Variants in SART1 observed in about 807,000 individuals in gnomAD.
SART1 encodes the protein U4/U6.U5 tri-snRNP-associated protein 1.
SART1 carries 28 observed loss-of-function variants against 105.0 expected under a neutral mutation model. The observed-to-expected ratio is 0.27, with a 90% CI of 0.20 to 0.37. SART1 has a LOEUF of 0.37. Ranked by LOEUF, SART1 falls within the 10% of genes least tolerant of loss-of-function variation. SART1 has a pLI of 1.00. For synonymous variants in SART1, 472 were observed against 462.9 expected, an observed-to-expected ratio of 1.02 and a Z score of -0.25; for missense variants, 894 against 1,106.5, an observed-to-expected ratio of 0.81 and a Z score of 2.72.
At chr11:65,973,277 C>CAT (rs1198457973) in intron 12 of SART1, among the ~76,000 whole-genome samples, 1 of 151,842 alleles carries the variant, frequency 6.6e-6, no homozygotes, top group Non-Finnish European at 1.5e-5. Flanking sequence ...GATATTTGCC[C>CAT]ATATATACCA....
intron 12 of SART1, among the ~76,000 whole-genome samples, chr11:65,973,418 G>A (rs79370352): frequency 5.1e-4 from 78 of 152,226 alleles, no homozygotes; most frequent in African/African-American, 1.8e-3. Flanking sequence ...GAAAATACCC[G>A]GTGAATCCAG....
chr11:65,974,570 T>G (rs912344365), intron 12 of SART1, among the ~76,000 whole-genome samples: 26 of 151,726 alleles, frequency 1.7e-4, no homozygotes, highest in African/African-American at 6.3e-4. Flanking sequence ...TCCCAGCTAC[T>G]TAGGAGGCTG....
chr11:65,971,929 G>A (rs1375223346), intron 12 of SART1, among the ~76,000 whole-genome samples: 1 of 151,930 alleles, frequency 6.6e-6, no homozygotes, highest in African/African-American at 2.4e-5. Flanking sequence ...GAATTGAGGG[G>A]TTGTTTTGTT....
chr11:65,964,928 G>T (rs766916524), intron 3 of SART1, 164 bp from the exon 4 acceptor site: 6 of 895,336 alleles, frequency 6.7e-6, no homozygotes, highest in Non-Finnish European at 9.6e-6. Flanking sequence ...GCATGGGTTG[G>T]CCAGGAGTGT....
Position 65,965,373 on chromosome 11 carries a change from T to G in SART1, c.586T>G (p.Trp196Gly), listed in dbSNP as rs1855227932. 1 of 1,587,796 alleles carries G rather than the reference T, an allele frequency of 6.3e-7. No individual in the cohort carries two copies. Among genetic ancestry groups the G allele is most frequent in the Non-Finnish European group, 8.6e-7 (1 of 1,167,250 alleles). ...AAAGACCCTAGGAGAGGATGACCCC[T>G]GGCTGGACGACACTGCAGCCTGGAT... ...KIKTLGEDDP[W>G]LDDTAAWIER... Residue 196 changes from tryptophan to glycine, a missense_variant, in exon 5 of 20, where the codon TGG (tryptophan) becomes GGG (glycine). Around this residue, in one of 2 missense-constraint regions of SART1, gnomAD observed 712 missense variants for 778.2 expected, o/e 0.91. Transcript: ENST00000312397.
intron 12 of SART1, among the ~76,000 whole-genome samples, chr11:65,973,200 T>C (rs939045529): frequency 6.6e-5 from 10 of 151,730 alleles, no homozygotes; most frequent in Non-Finnish European, 1.3e-4. Flanking sequence ...AGAACGTAAG[T>C]TTTTTGTTTT....
In SART1 at chr11:65,978,346, G is replaced by A; in HGVS notation, c.2173-254G>A. 1.8e-6 allele frequency: 1 copy of A among 548,528 alleles called. No individual in the cohort carries two copies. Among genetic ancestry groups the A allele is most frequent in the East Asian group, 3.2e-5 (1 of 31,524 alleles). The allele number at this position is 548,528 out of a possible 1,614,324, so 34.0% of individuals were successfully genotyped here. A position where few individuals can be genotyped will look rare whatever the true frequency, so the allele number is the denominator to read the frequency against. On this transcript the variant is annotated intron_variant, in intron 17 of 19. Coordinates refer to ENST00000312397, the MANE Select transcript of SART1 (RefSeq NM_005146.5). The surrounding 1 kb of genome is among the most constrained non-coding windows in gnomAD (Gnocchi z 6.8). ...GCCCCAGCGTCCAGGCCCAGCCCCT[G>A]CGTGGCAGGTCTCCAGGTTCCCCAT...
Position 65,978,155 on chromosome 11 carries a change from C to T in SART1, c.2172+256C>T, listed in dbSNP as rs1460137849. The T allele has an allele frequency of 5.4e-6, 3 of 553,152 alleles. No homozygotes were observed. The highest frequency in any genetic ancestry group is 2.0e-5 in the South Asian group (1 of 48,966). 34.3% of individuals were successfully genotyped at this position (553,152 alleles called of 1,614,324 possible). A position where few individuals can be genotyped will look rare whatever the true frequency, so the allele number is the denominator to read the frequency against. ...TCAGACAGGCACTCGGGACCTCTGC[C>T]CTCCTGTCCTCACCTGCGTGAGCCC... On this transcript the variant is annotated intron_variant, in intron 17 of 19. Coordinates refer to ENST00000312397, the MANE Select transcript of SART1 (RefSeq NM_005146.5). The surrounding 1 kb of genome is among the most constrained non-coding windows in gnomAD (Gnocchi z 6.8).
rs532814556 is a variant in SART1, at chr11:65,977,532, G to T, written c.1946-31G>T. 7.4e-5 allele frequency: 118 copies of T among 1,597,304 alleles called. No homozygotes were observed. In the East Asian group the frequency reaches 2.6e-3, roughly 35 times the overall value. ...GCCCTGGAGCTGTGGCTCTCGAGGG[G>T]TTGGGAGTCTCACAACCCCTCCATC... On this transcript the variant is annotated intron_variant, in intron 15 of 19. Coordinates refer to ENST00000312397, the MANE Select transcript of SART1 (RefSeq NM_005146.5).
intron 12 of SART1, among the ~76,000 whole-genome samples, chr11:65,971,622 AT>A (rs1426056882): frequency 2.3e-4 from 13 of 56,454 alleles, no homozygotes; most frequent in African/African-American, 9.7e-4. Context: ...GAGGAGGGGG[AT>A]GGTGGGATTC....
intron 12 of SART1, among the ~76,000 whole-genome samples, chr11:65,972,791 A>C (rs532745068): frequency 2.6e-4 from 39 of 152,134 alleles, no homozygotes; most frequent in African/African-American, 9.4e-4. Context: ...GTCTCAAAAA[A>C]AAAAAAAAAC....
At chr11:65,966,784 C>T (rs535999286) in intron 9 of SART1, among the ~76,000 whole-genome samples, 3 of 152,300 alleles carry the variant, frequency 2.0e-5, no homozygotes, top group African/African-American at 4.8e-5. Context: ...GCTGCCAGCT[C>T]GTGCCTTGGA....
Position 65,964,609 on chromosome 11 carries a change from G to A in SART1, c.427+39G>A, listed in dbSNP as rs779752291. 2.0e-5 allele frequency: 31 copies of A among 1,578,756 alleles called. 1 individual carries two copies. In the East Asian group the frequency reaches 5.8e-4, roughly 30 times the overall value. ...TGAGGATAGGGTTTGGGGGAAAGAG[G>A]CCATCTGAAGGGGTCTTTGAAGAAG... On this transcript the variant is annotated intron_variant, in intron 3 of 19. Coordinates refer to ENST00000312397, the MANE Select transcript of SART1 (RefSeq NM_005146.5).
intron 12 of SART1, among the ~76,000 whole-genome samples, chr11:65,973,548 C>G (rs1273171733): frequency 1.3e-5 from 2 of 152,186 alleles, no homozygotes; most frequent in Admixed American, 1.3e-4. Context: ...ATGGAGCGGC[C>G]AGAGTCCTCA....
rs778969153 is a variant in SART1, at chr11:65,977,112, C to G, written c.1945+11C>G. ...TGTGTCAGAACAAAGGTAGGGAGCT[C>G]AGGGCAGCCATGACTTGGGTGGGCT... On this transcript the variant is annotated intron_variant, in intron 15 of 19. Coordinates refer to ENST00000312397, the MANE Select transcript of SART1 (RefSeq NM_005146.5). 3 of 1,608,168 alleles carry G rather than the reference C, an allele frequency of 1.9e-6. No individual in the cohort carries two copies. Among genetic ancestry groups the G allele is most frequent in the South Asian group, 2.2e-5 (2 of 90,960 alleles).
Position 65,978,871 on chromosome 11 carries a change from A to G in SART1, c.2341A>G (p.Thr781Ala). The change falls in exon 19 of 20, where the codon ACC becomes GCC. Residue 781 changes from threonine to alanine, a missense_variant. This residue lies in a region of SART1 where 182 missense variants were observed against 328.3 expected (regional missense o/e 0.55). Transcript: ENST00000312397. The surrounding 1 kb of genome is among the most constrained non-coding windows in gnomAD (Gnocchi z 6.8). The part of the protein sequence containing the change: ...LLQEKQKAQK[T>A]PYIVLSGSGK... Reference sequence around the variant, plus strand: ...CCAGGAGAAGCAGAAGGCTCAGAAGACCCCCTACATCGTGCTCAGCGGCAG... The same window carrying G: ...CCAGGAGAAGCAGAAGGCTCAGAAGGCCCCCTACATCGTGCTCAGCGGCAG... 6.2e-7 allele frequency: 1 copy of G among 1,612,888 alleles called. No homozygotes were observed. Among genetic ancestry groups the G allele is most frequent in the Non-Finnish European group, 8.5e-7 (1 of 1,179,794 alleles).
At chr11:65,964,387 G>A in intron 2 of SART1, 128 bp from the exon 3 acceptor site, 1 of 1,152,734 alleles carries the variant, frequency 8.7e-7, no homozygotes, top group Non-Finnish European at 1.3e-6. Context: ...AGTGTCCTAG[G>A]CTGCCTGGGG....
rs1345518274 is a variant in SART1 at position 65,977,438 on chromosome 11, G to A, written c.1946-125G>A. 3 of 786,966 alleles carry A rather than the reference G, an allele frequency of 3.8e-6. No individual in the cohort carries two copies. The East Asian group carries it at 7.8e-5, about 21-fold the overall frequency. The allele number at this position is 786,966 out of a possible 1,614,324, so 48.7% of individuals were successfully genotyped here. A position where few individuals can be genotyped will look rare whatever the true frequency, so the allele number is the denominator to read the frequency against. On this transcript the variant is annotated intron_variant, in intron 15 of 19. Coordinates refer to ENST00000312397, the MANE Select transcript of SART1 (RefSeq NM_005146.5). ...GCATCTTTGCTTTGCCTGTAGAACA[G>A]GCCTGATGGCTTTCCAGAGGCAAGG...
chr11:65,977,168 C>T, intron 15 of SART1, 67 bp downstream of exon 15: 1 of 1,132,908 alleles, frequency 8.8e-7, no homozygotes. Context: ...GGCAGGGCCC[C>T]CTCCGGTCCC....
Sources: gnomAD v4.1 joint callset for allele counts (sites outside exome capture counted in the v4.1 genomes callset) on GRCh38, gnomAD v4.1.1 for gene constraint, gnomAD v4.1.1 regional missense constraint, Gnocchi (gnomAD v3.1) non-coding constraint, MANE v1.5 for transcripts, NCBI Gene and HGNC (gene_info 2026-07-23, HGNC 2026-07-21) for gene names.